MCCC2: variants seen among roughly 807,000 people sequenced by gnomAD.
MCCC2 encodes the protein methylcrotonyl-CoA carboxylase subunit 2.
A neutral mutation model predicts 77.2 loss-of-function variants in MCCC2; 52 were observed. The ratio of observed to expected loss-of-function variants is 0.67; its 90% CI spans 0.54 to 0.85. The LOEUF (loss-of-function observed/expected upper bound fraction) is 0.85. Ranked by LOEUF, MCCC2 falls within the 40% of genes least tolerant of loss-of-function variation. The pLI, the probability that MCCC2 is intolerant of heterozygous loss-of-function variation, is 0.00. For missense variants in MCCC2, 682 were observed against 703.2 expected (o/e 0.97, Z 0.34); for synonymous variants, 253 against 248.4 (o/e 1.02, Z -0.18).
At chr5:71,602,451 T>A in intron 4 of MCCC2, 55 bp from the exon 5 acceptor site, 1 of 1,611,218 alleles carries the variant, frequency 6.2e-7, no homozygotes, top group Non-Finnish European at 8.5e-7. Flanking sequence ...ATGAGTGTAA[T>A]TAGTTTTGAA....
chr5:71,618,418 A>C (rs1746240395), intron 6 of MCCC2, among the ~76,000 whole-genome samples: 1 of 152,002 alleles, frequency 6.6e-6, no homozygotes, highest in Admixed American at 6.6e-5. Context: ...ATGCTCTTGG[A>C]TTTCCCAGCT....
At chr5:71,636,892 C>T (rs373872887) in intron 10 of MCCC2, among the ~76,000 whole-genome samples, 23 of 151,400 alleles carry the variant, frequency 1.5e-4, no homozygotes, top group South Asian at 2.1e-4. Flanking sequence ...TACAGGCACC[C>T]GCCACCATAC....
chr5:71,649,193 C>A lies in MCCC2; in HGVS notation c.1313C>A (p.Thr438Asn), dbSNP rs779770835. ...AVACAQVPKITLIIGGSYGAG... is the reference protein window; with the variant it reads ...AVACAQVPKINLIIGGSYGAG... ...GCCTGTGCCCAAGTGCCTAAGATAA[C>A]CCTCATCATTGGGGGCTCCTATGGA... The change falls in exon 14 of 17, where the codon ACC (threonine) becomes AAC (asparagine). Residue 438 changes from threonine (T) to asparagine (N), a missense_variant. Physicochemically the swap from Thr to Asn is moderately conservative, Grantham distance 65. Transcript: ENST00000340941. 1.2e-6 allele frequency: 2 copies of A among 1,614,056 alleles called. No homozygotes were observed. The highest frequency in any genetic ancestry group is 1.7e-5 in the Admixed American group (1 of 60,008).
intron 6 of MCCC2, among the ~76,000 whole-genome samples, chr5:71,619,444 A>C (rs976905929): frequency 6.6e-6 from 1 of 151,928 alleles, no homozygotes; most frequent in Non-Finnish European, 1.5e-5. Context: ...TTTTGTAGAG[A>C]TGGAATCTCA....
At chr5:71,610,849 G>T (rs983715312) in intron 6 of MCCC2, among the ~76,000 whole-genome samples, 1 of 152,140 alleles carries the variant, frequency 6.6e-6, no homozygotes, top group Non-Finnish European at 1.5e-5. Context: ...AGCTGGGCGT[G>T]GTGGCACATG....
intron 11 of MCCC2, among the ~76,000 whole-genome samples, chr5:71,643,386 CA>C (rs989672285): frequency 2.0e-5 from 3 of 150,536 alleles, no homozygotes; most frequent in African/African-American, 7.3e-5. Context: ...GACCTTGTCT[CA>C]AAAAAAAATT....
At chr5:71,636,130 G>A (rs1007963272) in intron 10 of MCCC2, 2 of 417,406 alleles carry the variant, frequency 4.8e-6, no homozygotes, top group Non-Finnish European at 9.6e-6. Flanking sequence ...ATTTTCTACG[G>A]CTAGATCTTA....
At chr5:71,652,320 T>C (rs1231095676) in intron 15 of MCCC2, among the ~76,000 whole-genome samples, 1 of 152,232 alleles carries the variant, frequency 6.6e-6, no homozygotes, top group Admixed American at 6.5e-5. Flanking sequence ...TCTCATACTT[T>C]TCCACATTCT....
In MCCC2 at chr5:71,604,449, C is replaced by G; in HGVS notation, c.605C>G (p.Ser202Cys). Residue 202 changes from serine to cysteine, a missense_variant, in exon 6 of 17, where the codon TCT (serine) becomes TGT (cysteine). Coordinates refer to ENST00000340941, the MANE Select transcript of MCCC2 (RefSeq NM_022132.5). ...ACATTCTATAATCAGGCAATTATGT[C>G]TTCTAAAAATATTGCACAGGTAATT... is the stretch of plus-strand genomic sequence containing the variant. ...GRTFYNQAIM[S>C]SKNIAQIAVV... is the part of the protein sequence containing the mutation. 1 of 1,613,646 alleles carries G rather than the reference C, an allele frequency of 6.2e-7. No homozygotes were observed. Among genetic ancestry groups the G allele is most frequent in the Non-Finnish European group, 8.5e-7 (1 of 1,179,668 alleles).
rs112908556 is a variant in MCCC2, at chr5:71,656,937, C to T, written c.*77C>T. On this transcript the variant is annotated 3_prime_UTR_variant, in exon 17 of 17. Transcript: ENST00000340941. ...AGTAGCCTTAAAATTTTAGACTTCT[C>T]GAACATGAGGCTGTTACAGTAATTT... is the stretch of plus-strand genomic sequence containing the variant. The T allele has an allele frequency of 4.4e-5, 48 of 1,078,944 alleles. 1 individual carries two copies. The highest frequency in any genetic ancestry group is 3.7e-4 in the African/African-American group (24 of 64,522). 66.8% of individuals were successfully genotyped at this position (1,078,944 alleles called of 1,614,324 possible).
rs1171847854 is a variant in MCCC2 at position 71,635,000 on chromosome 5, T to C, written c.861T>C (p.Thr287=). The C allele has an allele frequency of 6.2e-7, 1 of 1,614,168 alleles. No individual in the cohort carries two copies. Among genetic ancestry groups the C allele is most frequent in the East Asian group, 2.2e-5 (1 of 44,864 alleles). The change falls in exon 9 of 17, where the codon ACT becomes ACC. Residue 287 remains threonine, a synonymous_variant. Coordinates refer to ENST00000340941, the MANE Select transcript of MCCC2 (RefSeq NM_022132.5). ...ALDDHHALHL[T]RKVVRNLNYQ... Reference sequence around the variant, plus strand: ...ATGATCATCATGCCCTTCACTTAACTAGGAAGGTTGTGAGGAATCTAAATT... The same window carrying C: ...ATGATCATCATGCCCTTCACTTAACCAGGAAGGTTGTGAGGAATCTAAATT...
Position 71,658,659 on chromosome 5 carries a change from C to T in MCCC2, c.*1799C>T, listed in dbSNP as rs541015054. The T allele has an allele frequency of 6.6e-6, 1 of 152,192 alleles. No homozygotes were observed. Among genetic ancestry groups the T allele is most frequent in the Non-Finnish European group, 1.5e-5 (1 of 68,020 alleles). The allele number at this position is 152,192 out of a possible 1,614,324, so 9.4% of individuals were successfully genotyped here. A position where few individuals can be genotyped will look rare whatever the true frequency, so the allele number is the denominator to read the frequency against. ...AAAATTAGGTGATTGATTATATGACCGAATAGAACTATCAAATGTTTTCCT... is the reference window on the plus strand; with the variant it reads ...AAAATTAGGTGATTGATTATATGACTGAATAGAACTATCAAATGTTTTCCT... On this transcript the variant is annotated 3_prime_UTR_variant, in exon 17 of 17. Coordinates refer to ENST00000340941, the MANE Select transcript of MCCC2 (RefSeq NM_022132.5).
At position 71,650,314 on chromosome 5, in the gene MCCC2, T is replaced by C. The variant is rs1315864662; in HGVS notation, c.1488+131T>C. 3.0e-5 allele frequency: 22 copies of C among 726,608 alleles called. No homozygotes were observed. In the East Asian group the frequency reaches 5.5e-4, roughly 18 times the overall value. The allele number at this position is 726,608 out of a possible 1,614,324, so 45.0% of individuals were successfully genotyped here. A position where few individuals can be genotyped will look rare whatever the true frequency, so the allele number is the denominator to read the frequency against. Reference sequence around the variant, plus strand: ...ACCTGGCGCACACTGCCTGGCCATATTTAGACTGTGCTGCCCTGGAAGTTG... The same window carrying C: ...ACCTGGCGCACACTGCCTGGCCATACTTAGACTGTGCTGCCCTGGAAGTTG... On this transcript the variant is annotated intron_variant, in intron 15 of 16. Transcript: ENST00000340941.
chr5:71,590,554 G>C (rs10942705), intron 1 of MCCC2, among the ~76,000 whole-genome samples: 118,862 of 152,200 alleles, frequency 0.78, 47,135 homozygotes, highest in East Asian at 0.88. Flanking sequence ...TGGTGGCTCA[G>C]GCCTGTAATC....
chr5:71,634,299 A>G lies in MCCC2; in HGVS notation c.804-644A>G, dbSNP rs531493722. ...CTTCATTCACTGCACTTGAAATTGA[A>G]CAGGAACTTCCATGGCCCCTGCCAC... On this transcript the variant is annotated intron_variant, in intron 8 of 16. Coordinates refer to ENST00000340941, the MANE Select transcript of MCCC2 (RefSeq NM_022132.5). Among the ~76,000 whole-genome samples, 8 of 152,334 alleles carry G rather than the reference A, an allele frequency of 5.3e-5. No homozygotes were observed. In the South Asian group the frequency reaches 1.7e-3, roughly 32 times the overall value.
At chr5:71,627,446 G>T (rs922967821) in intron 7 of MCCC2, among the ~76,000 whole-genome samples, 2 of 152,148 alleles carry the variant, frequency 1.3e-5, no homozygotes, top group Non-Finnish European at 1.5e-5. Flanking sequence ...ATATTCCATT[G>T]TATGGTTATG....
intron 8 of MCCC2, among the ~76,000 whole-genome samples, chr5:71,633,117 ATATATATATATATATT>A (rs1256330383): frequency 1.2e-4 from 9 of 75,236 alleles, no homozygotes; most frequent in African/African-American, 4.5e-4. Context: ...ATATATATAT[ATATATATATATATATT>A]TTTATTTTTT....
chr5:71,656,818 C>A lies in MCCC2; in HGVS notation c.1650C>A (p.Asn550Lys). The change falls in exon 17 of 17, where the codon AAC (asparagine) becomes AAA (lysine). Residue 550 changes from asparagine to lysine, a missense_variant. Transcript: ENST00000340941. Reference sequence around the variant, plus strand: ...GTCTCAGTTTTAGTGCAGCCCTCAACGCACCAATAGAGAAGACTGACTTCG... The same window carrying A: ...GTCTCAGTTTTAGTGCAGCCCTCAAAGCACCAATAGAGAAGACTGACTTCG... ...VLGLSFSAAL[N>K]APIEKTDFGI... is the part of the protein sequence containing the mutation. 1.2e-6 allele frequency: 2 copies of A among 1,614,038 alleles called. No individual in the cohort carries two copies. The highest frequency in any genetic ancestry group is 4.5e-5 in the East Asian group (2 of 44,878).
intron 6 of MCCC2, among the ~76,000 whole-genome samples, chr5:71,624,599 A>C (rs1580309237): frequency 6.8e-6 from 1 of 146,946 alleles, no homozygotes; most frequent in African/African-American, 2.5e-5. Context: ...CTGGTCTCAA[A>C]CTCCCAACCT....
Sources: allele counts gnomAD v4.1 joint callset (sites outside exome capture counted in the v4.1 genomes callset), GRCh38; gene constraint gnomAD v4.1.1; transcripts MANE v1.5; gene names NCBI Gene and HGNC (gene_info 2026-07-23, HGNC 2026-07-21).